Variants in KCNQ1 observed in about 807,000 individuals in gnomAD.
KCNQ1 encodes the protein potassium voltage-gated channel subfamily KQT member 1.
In KCNQ1, 49 loss-of-function variants were observed where a neutral mutation model predicts 72.4. That is an observed-to-expected ratio of 0.68 (90% CI 0.54 to 0.86). The LOEUF (loss-of-function observed/expected upper bound fraction) is 0.86. Among genes scored for constraint, KCNQ1 ranks in the 40% least tolerant of loss-of-function variants. The pLI, the probability that KCNQ1 is intolerant of heterozygous loss-of-function variation, is 0.00. For missense variants in KCNQ1, 790 were observed against 945.1 expected (o/e 0.84, Z 2.15); for synonymous variants, 450 against 412.6 (o/e 1.09, Z -1.10).
In KCNQ1 at chr11:2,540,357, G is replaced by C. The variant is rs77558275; in HGVS notation, c.477+12339G>C. 8.1e-3 allele frequency among the ~76,000 whole-genome samples: 1,232 copies of C among 152,370 alleles called. 13 individuals carry two copies. The highest frequency in any genetic ancestry group is 0.026 in the African/African-American group (1,071 of 41,580). On this transcript the variant is annotated intron_variant, in intron 2 of 15. Transcript: ENST00000155840. The stretch of plus-strand genomic sequence containing the variant: ...TGTCATCATGTGACTTTGCAGGTTG[G>C]GGGGACAGGGCTCGGTGCGGCCTCA...
At chr11:2,535,196 G>A (rs149831857) in intron 2 of KCNQ1, among the ~76,000 whole-genome samples, 2 of 152,224 alleles carry the variant, frequency 1.3e-5, no homozygotes, top group Non-Finnish European at 2.9e-5. Context: ...GTGAAAGGAC[G>A]CTAGACACTG....
At chr11:2,694,026 C>T (rs1370313533) in intron 11 of KCNQ1, 3 of 398,622 alleles carry the variant, frequency 7.5e-6, no homozygotes, top group Non-Finnish European at 1.3e-5. Flanking sequence ...GGTCAAGCCA[C>T]AGGTGCCCAT....
rs938869397 is a variant in KCNQ1 at position 2,816,109 on chromosome 11, A to AG, written c.1795-31654dup. Among the ~76,000 whole-genome samples the AG allele has an allele frequency of 6.6e-6, 1 of 152,166 alleles. No individual in the cohort carries two copies. The highest frequency in any genetic ancestry group is 1.5e-5 in the Non-Finnish European group (1 of 68,020). On this transcript the variant is annotated intron_variant, in intron 15 of 15. Transcript: ENST00000155840. The surrounding 1 kb of genome is among the most constrained non-coding windows in gnomAD (Gnocchi z 6.8). ...GTCCCTGAGGAAGAGGACAGTAGCC[A>AG]GGGGCAAGACCTCACACGCCTCTGC...
chr11:2,847,880 C>G lies in KCNQ1; in HGVS notation c.1908C>G (p.Ala636=), dbSNP rs771637859. 1 of 1,580,774 alleles carries G rather than the reference C, an allele frequency of 6.3e-7. No homozygotes were observed. The highest frequency in any genetic ancestry group is 1.2e-5 in the South Asian group (1 of 86,718). ...GSGGPPREGG[A]HITQPCGSGG... is the part of the protein sequence containing the mutation. ...GCGGCCCCCCCAGAGAGGGCGGGGC[C>G]CACATCACCCAGCCCTGCGGCAGTG... The change falls in exon 16 of 16, where the codon GCC becomes GCG. Residue 636 remains alanine, a synonymous_variant. Coordinates refer to ENST00000155840, the MANE Select transcript of KCNQ1 (RefSeq NM_000218.3).
At chr11:2,610,430 TATATC>T (rs1291404036) in intron 10 of KCNQ1, 3 of 398,318 alleles carry the variant, frequency 7.5e-6, no homozygotes, top group African/African-American at 6.2e-5. Context: ...TTAACCTCCT[TATATC>T]ATATATTTGA....
Position 2,617,683 on chromosome 11 carries a change from T to TG in KCNQ1, c.1393+28830dup. The stretch of plus-strand genomic sequence containing the variant: ...CACCAATCTACAGTCCCACCAACAC[T>TG]GTACAAGAGTTCCCTAACCCTAGCC... On this transcript the variant is annotated intron_variant, in intron 10 of 15. Coordinates refer to ENST00000155840, the MANE Select transcript of KCNQ1 (RefSeq NM_000218.3). The surrounding 1 kb of genome is among the most constrained non-coding windows in gnomAD (Gnocchi z 4.6). 2.5e-6 allele frequency: 1 copy of TG among 398,522 alleles called. No individual in the cohort carries two copies. The highest frequency in any genetic ancestry group is 4.4e-6 in the Non-Finnish European group (1 of 226,002). 24.7% of individuals were successfully genotyped at this position (398,522 alleles called of 1,614,324 possible).
chr11:2,568,133 C>A (rs1010079717), intron 2 of KCNQ1, among the ~76,000 whole-genome samples: 3 of 152,014 alleles, frequency 2.0e-5, no homozygotes, highest in Non-Finnish European at 4.4e-5. Flanking sequence ...ATTAGCCAGG[C>A]GTGGTGGCAT....
intron 15 of KCNQ1, among the ~76,000 whole-genome samples, chr11:2,838,226 G>T (rs111269155): frequency 1.7e-3 from 262 of 152,394 alleles, no homozygotes; most frequent in African/African-American, 6.0e-3. Context: ...GTGGCTCACA[G>T]CCACTGGCAG....
intron 11 of KCNQ1, among the ~76,000 whole-genome samples, chr11:2,751,641 C>G (rs1186002193): frequency 1.3e-5 from 2 of 152,264 alleles, no homozygotes; most frequent in African/African-American, 4.8e-5. Flanking sequence ...GGCGGCTGTT[C>G]TGAGAGCGGT....
At chr11:2,622,723 TA>T (rs1429080743) in intron 10 of KCNQ1, 9 of 398,468 alleles carry the variant, frequency 2.3e-5, no homozygotes, top group Non-Finnish European at 4.0e-5. Context: ...TTAAAGACTT[TA>T]TATTTTTAGA....
intron 11 of KCNQ1, among the ~76,000 whole-genome samples, chr11:2,739,038 C>T (rs2133949886): frequency 6.6e-6 from 1 of 152,300 alleles, no homozygotes; most frequent in Non-Finnish European, 1.5e-5. Context: ...CACCATGCTG[C>T]TTTGAAAAAG....
At position 2,830,706 on chromosome 11, in the gene KCNQ1, A is replaced by G. The variant is rs984219665; in HGVS notation, c.1795-17061A>G. Reference sequence around the variant, plus strand: ...CCGAGCATTGTGGGCCTTCCCAGGAACCCCCACATCTCCGTGGCCCTCAGA... The same window carrying G: ...CCGAGCATTGTGGGCCTTCCCAGGAGCCCCCACATCTCCGTGGCCCTCAGA... On this transcript the variant is annotated intron_variant, in intron 15 of 15. Transcript: ENST00000155840. The surrounding 1 kb of genome is among the most constrained non-coding windows in gnomAD (Gnocchi z 7.7). Among the ~76,000 whole-genome samples the G allele has an allele frequency of 2.0e-5, 3 of 151,338 alleles. No individual in the cohort carries two copies. The highest frequency in any genetic ancestry group is 4.9e-5 in the African/African-American group (2 of 41,136).
At chr11:2,665,522 A>G (rs994292165) in intron 11 of KCNQ1, 1 of 392,948 alleles carries the variant, frequency 2.5e-6, no homozygotes, top group Non-Finnish European at 4.4e-6. Flanking sequence ...GTAACCTGCC[A>G]TCTAGAATGC....
intron 15 of KCNQ1, among the ~76,000 whole-genome samples, chr11:2,844,710 C>T (rs979471825): frequency 6.6e-6 from 1 of 152,214 alleles, no homozygotes; most frequent in African/African-American, 2.4e-5. Flanking sequence ...TCTTTCTGTC[C>T]CAAGAATCCC....
Position 2,750,952 on chromosome 11 carries a change from C to G in KCNQ1, c.1515-17892C>G, listed in dbSNP as rs920545928. On this transcript the variant is annotated intron_variant, in intron 11 of 15. Transcript: ENST00000155840. The surrounding 1 kb of genome is among the most constrained non-coding windows in gnomAD (Gnocchi z 6.3). ...ACACCCCAACCTCGAGGCTCTTTAC[C>G]TCTGTCTGTGCACCCACCCAGCCCC... Among the ~76,000 whole-genome samples, 1 of 152,168 alleles carries G rather than the reference C, an allele frequency of 6.6e-6. No homozygotes were observed. Among genetic ancestry groups the G allele is most frequent in the African/African-American group, 2.4e-5 (1 of 41,434 alleles).
chr11:2,743,996 T>G (rs1846098739), intron 11 of KCNQ1, among the ~76,000 whole-genome samples: 1 of 152,234 alleles, frequency 6.6e-6, no homozygotes, highest in Non-Finnish European at 1.5e-5. Context: ...GCCTCTTGAC[T>G]GCAGGTCTCT....
At chr11:2,838,780 C>T (rs1012439621) in intron 15 of KCNQ1, among the ~76,000 whole-genome samples, 4 of 152,278 alleles carry the variant, frequency 2.6e-5, no homozygotes, top group East Asian at 1.9e-4. Flanking sequence ...GCAGAGCGCT[C>T]GCTGGCTGCC....
intron 11 of KCNQ1, among the ~76,000 whole-genome samples, chr11:2,739,585 G>T (rs1042265931): frequency 6.6e-6 from 1 of 152,242 alleles, no homozygotes; most frequent in Non-Finnish European, 1.5e-5. Context: ...CAGACCAGGG[G>T]CTGGTGGTGT....
chr11:2,487,111 C>A (rs1358746805), intron 1 of KCNQ1, among the ~76,000 whole-genome samples: 3 of 152,166 alleles, frequency 2.0e-5, no homozygotes, highest in Admixed American at 2.0e-4. Context: ...GTTTTCCCAG[C>A]ACCATTTGTT....
Sources: gnomAD v4.1 joint callset for allele counts (sites outside exome capture counted in the v4.1 genomes callset) on GRCh38, gnomAD v4.1.1 for gene constraint, Gnocchi (gnomAD v3.1) non-coding constraint, MANE v1.5 for transcripts, NCBI Gene and HGNC (gene_info 2026-07-23, HGNC 2026-07-21) for gene names.